Variants in TRDN observed in about 807,000 individuals in gnomAD.
TRDN encodes the protein triadin in skeletal muscle.
Under a neutral mutation model 149.7 loss-of-function variants are expected in TRDN, and 161 were observed. The observed-to-expected ratio is 1.08, with a 90% confidence interval of 0.95 to 1.23. The LOEUF (loss-of-function observed/expected upper bound fraction) is 1.23. Among genes scored for constraint, TRDN ranks in the 50% most tolerant of loss-of-function variants. TRDN has a pLI of 0.00. For missense variants in TRDN, 896 were observed against 823.5 expected (o/e 1.09, Z -1.08); for synonymous variants, 294 against 250.5 (o/e 1.17, Z -1.64).
chr6:123,596,610 G>A (rs574398324), intron 1 of TRDN, among the ~76,000 whole-genome samples: 14 of 152,202 alleles, frequency 9.2e-5, no homozygotes, highest in African/African-American at 1.7e-4. Context: ...TCTATCATTA[G>A]GAGCTAATGC....
chr6:123,635,040 C>T (rs1241764016), intron 1 of TRDN, among the ~76,000 whole-genome samples: 2 of 151,854 alleles, frequency 1.3e-5, no homozygotes, highest in Non-Finnish European at 2.9e-5. Flanking sequence ...ACATAATCCA[C>T]AAGCAAGCCC....
chr6:123,314,971 C>G (rs1307654234), intron 24 of TRDN, among the ~76,000 whole-genome samples: 1 of 151,906 alleles, frequency 6.6e-6, no homozygotes, highest in Non-Finnish European at 1.5e-5. Context: ...AACAAACCTG[C>G]ACATCCTGCA....
At chr6:123,523,538 T>C (rs1475635496) in intron 5 of TRDN, among the ~76,000 whole-genome samples, 3 of 152,138 alleles carry the variant, frequency 2.0e-5, no homozygotes, top group African/African-American at 4.8e-5. Flanking sequence ...AGCCCGTAAG[T>C]GACTGGATTA....
intron 1 of TRDN, among the ~76,000 whole-genome samples, chr6:123,580,574 T>C (rs1783073073): frequency 6.6e-6 from 1 of 152,146 alleles, no homozygotes; most frequent in South Asian, 2.1e-4. Flanking sequence ...TGTTATAGAT[T>C]AACTTCCTCT....
chr6:123,337,479 AC>A (rs1174314976), intron 22 of TRDN, 139 bp downstream of exon 22: 1 of 304,662 alleles, frequency 3.3e-6, no homozygotes, highest in Non-Finnish European at 6.1e-6. Flanking sequence ...ACAAATAAAC[AC>A]AAGTTTTTAA....
intron 22 of TRDN, among the ~76,000 whole-genome samples, chr6:123,335,717 A>G (rs940666128): frequency 2.6e-5 from 4 of 151,946 alleles, no homozygotes; most frequent in African/African-American, 9.7e-5. Flanking sequence ...CTTTCTTTTG[A>G]GCTGCTTTCA....
At chr6:123,576,154 T>C (rs1782845430) in intron 1 of TRDN, among the ~76,000 whole-genome samples, 1 of 152,222 alleles carries the variant, frequency 6.6e-6, no homozygotes, top group East Asian at 1.9e-4. Context: ...CATGAAAAAG[T>C]GACTCTTGCT....
intron 38 of TRDN, among the ~76,000 whole-genome samples, chr6:123,225,671 T>C (rs1775331019): frequency 6.6e-6 from 1 of 151,720 alleles, no homozygotes; most frequent in African/African-American, 2.4e-5. Context: ...ATATATATAA[T>C]TTTTATTTCT....
At chr6:123,230,442 C>G (rs556221103) in intron 38 of TRDN, among the ~76,000 whole-genome samples, 1 of 151,640 alleles carries the variant, frequency 6.6e-6, no homozygotes, top group South Asian at 2.1e-4. Context: ...ATGTAAATGA[C>G]GAGTTAGTGG....
intron 24 of TRDN, among the ~76,000 whole-genome samples, chr6:123,298,986 G>A (rs1018234358): frequency 1.3e-5 from 2 of 152,022 alleles, no homozygotes; most frequent in Non-Finnish European, 2.9e-5. Context: ...ATGTTTAGGT[G>A]TGACTATTGG....
At position 123,255,786 on chromosome 6, in the gene TRDN, A is replaced by G. The variant is rs980557888; in HGVS notation, c.1906+81T>C. The G allele has an allele frequency of 1.4e-5, 14 of 992,756 alleles. No individual in the cohort carries two copies. In the African/African-American group the frequency reaches 1.9e-4, roughly 14 times the overall value. The allele number at this position is 992,756 out of a possible 1,614,324, so 61.5% of individuals were successfully genotyped here. ...CATACATTTAGAAAAGTTTTTTTTC[A>G]TATGATATAAATACATTTTGACTTA... On this transcript the variant is annotated intron_variant, in intron 36 of 40. Coordinates refer to ENST00000334268, the MANE Select transcript of TRDN (RefSeq NM_006073.4).
chr6:123,278,876 A>G (rs1266370858), intron 25 of TRDN, among the ~76,000 whole-genome samples, 180 bp downstream of exon 25: 1 of 152,240 alleles, frequency 6.6e-6, no homozygotes, highest in Non-Finnish European at 1.5e-5. Context: ...ATTTTGGTAT[A>G]GCATTTTCTC....
chr6:123,291,334 G>A (rs1778004206), intron 24 of TRDN, among the ~76,000 whole-genome samples: 1 of 152,020 alleles, frequency 6.6e-6, no homozygotes, highest in African/African-American at 2.4e-5. Context: ...GAAGGCCGAG[G>A]CAGGTGGATC....
chr6:123,558,189 C>T (rs543108785), intron 2 of TRDN, among the ~76,000 whole-genome samples: 14 of 152,164 alleles, frequency 9.2e-5, no homozygotes, highest in African/African-American at 3.4e-4. Flanking sequence ...TTCTTTCCCT[C>T]CCGCCTGTCC....
At chr6:123,238,960 C>T (rs1775888359) in intron 38 of TRDN, among the ~76,000 whole-genome samples, 1 of 152,138 alleles carries the variant, frequency 6.6e-6, no homozygotes, top group Admixed American at 6.5e-5. Flanking sequence ...CCTGCCTCAG[C>T]CTCCCAAGTA....
intron 38 of TRDN, among the ~76,000 whole-genome samples, chr6:123,230,133 A>G (rs1775543845): frequency 6.6e-6 from 1 of 151,968 alleles, no homozygotes; most frequent in Admixed American, 6.6e-5. Flanking sequence ...CTTGGAACCA[A>G]CCCAAATGTT....
intron 24 of TRDN, among the ~76,000 whole-genome samples, chr6:123,314,200 A>C (rs1778937054): frequency 6.6e-6 from 1 of 152,088 alleles, no homozygotes; most frequent in Non-Finnish European, 1.5e-5. Flanking sequence ...ACATGAACAG[A>C]CACTTTTCAA....
intron 21 of TRDN, among the ~76,000 whole-genome samples, chr6:123,344,122 A>T (rs1780166087): frequency 6.6e-6 from 1 of 152,032 alleles, no homozygotes; most frequent in South Asian, 2.1e-4. Context: ...TGAGAAATAA[A>T]GTTTTGTTGT....
At chr6:123,321,543 A>C (rs1409969694) in intron 23 of TRDN, among the ~76,000 whole-genome samples, 1 of 152,018 alleles carries the variant, frequency 6.6e-6, no homozygotes, top group Non-Finnish European at 1.5e-5. Flanking sequence ...CTACACACAA[A>C]GACACGCAAT....
Sources: allele counts gnomAD v4.1 joint callset (sites outside exome capture counted in the v4.1 genomes callset), GRCh38; gene constraint gnomAD v4.1.1; transcripts MANE v1.5; gene names NCBI Gene and HGNC (gene_info 2026-07-23, HGNC 2026-07-21).